DCHS2: variants seen among roughly 807,000 people sequenced by gnomAD.
The protein encoded by DCHS2 is protocadherin-23.
DCHS2 carries 142 observed loss-of-function variants against 182.4 expected under a neutral mutation model. The ratio of observed to expected loss-of-function variants is 0.78; its 90% CI spans 0.68 to 0.89. The LOEUF (loss-of-function observed/expected upper bound fraction) is 0.89. Among genes scored for constraint, DCHS2 ranks in the 40% least tolerant of loss-of-function variants. DCHS2 has a pLI of 0.00. For missense variants in DCHS2, 4,319 were observed against 4,198.6 expected, an observed-to-expected ratio of 1.03 and a Z score of -0.79; for synonymous variants, 1,740 against 1,663.3, an observed-to-expected ratio of 1.05 and a Z score of -1.12.
At chr4:154,300,738 G>A (rs1355603004) in intron 12 of DCHS2, among the ~76,000 whole-genome samples, 1 of 151,940 alleles carries the variant, frequency 6.6e-6, no homozygotes, top group Non-Finnish European at 1.5e-5. Context: ...AAATGAAAAT[G>A]GGAAGGTTAG....
In DCHS2 at chr4:154,366,352, C is replaced by G. The variant is rs765510888; in HGVS notation, c.2334G>C (p.Thr778=). 5.6e-6 allele frequency: 9 copies of G among 1,613,692 alleles called. No homozygotes were observed. In the East Asian group the frequency reaches 1.8e-4, roughly 32 times the overall value. Residue 778 remains threonine (T), a synonymous_variant, in exon 3 of 20, where the codon ACG becomes ACC. Transcript: ENST00000357232. ...CTGGCTGGGTCTCATCACTGATGCT[C>G]GTCACATAGGTTGATGGGTTAAACA... ...HPVFNPSTYV[T]SISDETQPGT...
In DCHS2 at chr4:154,490,990, G is replaced by A; in HGVS notation, c.366C>T (p.Thr122=). 6.4e-7 allele frequency: 1 copy of A among 1,550,388 alleles called. No individual in the cohort carries two copies. Among genetic ancestry groups the A allele is most frequent in the South Asian group, 1.2e-5 (1 of 83,976 alleles). The part of the protein sequence containing the change: ...LLDDFHVHPD[T]GIIRTARRLD... ...GGCGCCGCGCAGTGCGGATGATGCC[G>A]GTGTCCGGGTGCACGTGGAAGTCGT... The change falls in exon 1 of 20, where the codon ACC becomes ACT. Residue 122 remains threonine (T), a synonymous_variant. Transcript: ENST00000357232.
intron 13 of DCHS2, among the ~76,000 whole-genome samples, chr4:154,292,835 C>T (rs2111264972): frequency 6.6e-6 from 1 of 152,256 alleles, no homozygotes; most frequent in East Asian, 1.9e-4. Flanking sequence ...GCTTTTGGGA[C>T]AGGCACCCAG....
chr4:154,240,699 A>T lies in DCHS2; in HGVS notation c.7197T>A (p.Thr2399=). The stretch of plus-strand genomic sequence containing the variant: ...ATGTTTTCACCAACACCACCACTCC[A>T]GTGTTCTGATCAATAGCAAACTTGG... ...PGTKFAIDQN[T]GVVVLVKTLD... is the part of the protein sequence containing the mutation. The change falls in exon 18 of 20, where the codon ACT becomes ACA. Residue 2399 remains threonine (T), a synonymous_variant. Transcript: ENST00000357232. 6.2e-7 allele frequency: 1 copy of T among 1,613,994 alleles called. No individual in the cohort carries two copies. Among genetic ancestry groups the T allele is most frequent in the Non-Finnish European group, 8.5e-7 (1 of 1,179,912 alleles).
intron 1 of DCHS2, among the ~76,000 whole-genome samples, chr4:154,420,615 G>A (rs1733072784): frequency 1.3e-5 from 2 of 152,126 alleles, no homozygotes; most frequent in African/African-American, 4.8e-5. Context: ...CCCCAGGAGA[G>A]TCAGTGAATT....
In DCHS2 at chr4:154,273,501, A is replaced by G. The variant is rs754256222; in HGVS notation, c.6464-3488T>C. 1.8e-4 allele frequency among the ~76,000 whole-genome samples: 27 copies of G among 152,210 alleles called. 1 individual carries two copies. Among genetic ancestry groups the G allele is most frequent in the Non-Finnish European group, 3.2e-4 (22 of 67,988 alleles). On this transcript the variant is annotated intron_variant, in intron 13 of 19. Coordinates refer to ENST00000357232, the MANE Select transcript of DCHS2 (RefSeq NM_001358235.2). The stretch of plus-strand genomic sequence containing the variant: ...GATAAAAGACTATACAATAGATACT[A>G]TATACACTGTTTGGGTGACGGGTGC...
chr4:154,359,418 G>C (rs1013659674), intron 3 of DCHS2, among the ~76,000 whole-genome samples: 6 of 151,820 alleles, frequency 4.0e-5, no homozygotes, highest in African/African-American at 1.4e-4. Flanking sequence ...TTTTAACCAA[G>C]GTAGCAATTC....
chr4:154,272,548 C>T, intron 13 of DCHS2, among the ~76,000 whole-genome samples: 1 of 152,160 alleles, frequency 6.6e-6, no homozygotes, highest in East Asian at 1.9e-4. Context: ...CTCATGAGAT[C>T]TGATGGTTTT....
chr4:154,301,483 T>C (rs1735191898), intron 12 of DCHS2, among the ~76,000 whole-genome samples: 1 of 152,058 alleles, frequency 6.6e-6, no homozygotes, highest in Admixed American at 6.5e-5. Flanking sequence ...TTTTGCCTTA[T>C]TTTTATTTAT....
In DCHS2 at chr4:154,298,201, A is replaced by G. The variant is rs760927150; in HGVS notation, c.6113T>C (p.Leu2038Ser). 6.2e-7 allele frequency: 1 copy of G among 1,614,162 alleles called. No homozygotes were observed. The highest frequency in any genetic ancestry group is 2.2e-5 in the East Asian group (1 of 44,870). Residue 2038 changes from leucine (L) to serine (S), a missense_variant, in exon 13 of 20, where the codon TTG becomes TCG. Transcript: ENST00000357232. ...AAACACATCAAAAGGGTTCTGTTCC[A>G]AAACTGGATCATTGTCATTAACATC... ...VTDVNDNDPV[L>S]EQNPFDVFLS...
intron 1 of DCHS2, among the ~76,000 whole-genome samples, chr4:154,387,900 A>T (rs1731490870): frequency 6.6e-6 from 1 of 152,156 alleles, no homozygotes; most frequent in African/African-American, 2.4e-5. Flanking sequence ...TATATTTAAG[A>T]TATTCAACTT....
chr4:154,343,012 G>A (rs576611752), intron 3 of DCHS2, among the ~76,000 whole-genome samples: 1 of 152,262 alleles, frequency 6.6e-6, no homozygotes, highest in South Asian at 2.1e-4. Flanking sequence ...GTATTAGGAG[G>A]CATTAAGAAA....
chr4:154,270,679 G>A (rs750531047), intron 13 of DCHS2, among the ~76,000 whole-genome samples: 2 of 151,542 alleles, frequency 1.3e-5, no homozygotes, highest in African/African-American at 2.4e-5. Flanking sequence ...ATGGAGCAGA[G>A]AGGCCAATTA....
intron 16 of DCHS2, among the ~76,000 whole-genome samples, chr4:154,247,941 C>G (rs1732160368): frequency 6.6e-6 from 1 of 152,076 alleles, no homozygotes; most frequent in Non-Finnish European, 1.5e-5. Context: ...CCAAAGTTAT[C>G]GGATCTCAGC....
intron 1 of DCHS2, among the ~76,000 whole-genome samples, chr4:154,405,669 T>C (rs927547575): frequency 6.6e-6 from 1 of 152,222 alleles, no homozygotes; most frequent in Non-Finnish European, 1.5e-5. Context: ...TCATAGTTTT[T>C]ATTTTCTACT....
intron 1 of DCHS2, among the ~76,000 whole-genome samples, chr4:154,462,894 T>C (rs1039156245): frequency 5.9e-5 from 9 of 152,072 alleles, no homozygotes; most frequent in Non-Finnish European, 1.3e-4. Flanking sequence ...TAATGTAAGA[T>C]TGCACAACTA....
intron 14 of DCHS2, among the ~76,000 whole-genome samples, chr4:154,264,876 T>C (rs371784219): frequency 1.4e-4 from 22 of 152,246 alleles, no homozygotes; most frequent in African/African-American, 5.3e-4. Context: ...TGAAAAATAC[T>C]AATAATGCCT....
chr4:154,415,452 C>A (rs1023601584), intron 1 of DCHS2, among the ~76,000 whole-genome samples: 3 of 152,164 alleles, frequency 2.0e-5, no homozygotes, highest in Non-Finnish European at 2.9e-5. Flanking sequence ...GGGGGTGCCA[C>A]CACATTATTA....
Position 154,473,290 on chromosome 4 carries a change from A to C in DCHS2, c.2052+16014T>G, listed in dbSNP as rs10032385. 8.1e-3 allele frequency among the ~76,000 whole-genome samples: 1,230 copies of C among 152,300 alleles called. 17 individuals carry two copies. The highest frequency in any genetic ancestry group is 0.028 in the African/African-American group (1,167 of 41,554). ...GACATTCTGATTCCCAGAGTTGGGG[A>C]GCACTTCATCATGGGACACAGTGAT... On this transcript the variant is annotated intron_variant, in intron 1 of 19. Transcript: ENST00000357232.
Sources: allele counts gnomAD v4.1 joint callset (sites outside exome capture counted in the v4.1 genomes callset), GRCh38; gene constraint gnomAD v4.1.1; transcripts MANE v1.5; gene names NCBI Gene and HGNC (gene_info 2026-07-23, HGNC 2026-07-21).